NFIC: variants seen among roughly 807,000 people sequenced by gnomAD.
The protein encoded by NFIC is nuclear factor I C.
Under a neutral mutation model 54.4 loss-of-function variants are expected in NFIC, and 12 were observed. That is an observed-to-expected ratio of 0.22 (90% CI 0.14 to 0.36). The LOEUF is 0.36. NFIC is among the 10% of genes least tolerant of loss of function. NFIC has a pLI of 1.00. For synonymous variants in NFIC, 322 were observed against 319.2 expected, an observed-to-expected ratio of 1.01 and a Z score of -0.09; for missense variants, 575 against 718.2, an observed-to-expected ratio of 0.80 and a Z score of 2.28.
chr19:3,426,906 G>A (rs1024277423), intron 3 of NFIC, among the ~76,000 whole-genome samples: 6 of 150,104 alleles, frequency 4.0e-5, no homozygotes, highest in Non-Finnish European at 7.4e-5. Context: ...AGCATAAGCA[G>A]CCTCTGGCTA....
chr19:3,461,880 C>T (rs1052419531), intron 10 of NFIC, among the ~76,000 whole-genome samples: 1 of 150,764 alleles, frequency 6.6e-6, no homozygotes, highest in Non-Finnish European at 1.5e-5. Context: ...ATGGTGAAAC[C>T]CTGTCTCTAC....
chr19:3,411,434 TCTC>T (rs1218848440), intron 2 of NFIC, among the ~76,000 whole-genome samples: 2 of 148,884 alleles, frequency 1.3e-5, no homozygotes, highest in African/African-American at 2.5e-5. Flanking sequence ...TTCAAGCAAT[TCTC>T]CTTCCTCAGC....
intron 2 of NFIC, among the ~76,000 whole-genome samples, chr19:3,404,073 G>A (rs558522037): frequency 6.7e-6 from 1 of 148,758 alleles, no homozygotes; most frequent in East Asian, 2.0e-4. Context: ...ATGGGGACGC[G>A]TGCGTGTGCG....
intron 9 of NFIC, among the ~76,000 whole-genome samples, chr19:3,454,970 C>A (rs1442088821): frequency 6.6e-6 from 1 of 152,246 alleles, no homozygotes; most frequent in Non-Finnish European, 1.5e-5. Flanking sequence ...CTGCAGCTCT[C>A]TCACTGTGTG....
chr19:3,397,490 A>C (rs2081483320), intron 2 of NFIC, among the ~76,000 whole-genome samples: 1 of 152,178 alleles, frequency 6.6e-6, no homozygotes, highest in Admixed American at 6.5e-5. Flanking sequence ...CTGGGGAATC[A>C]GGGAGGTGTG....
At chr19:3,365,124 TG>T (rs1206177160), upstream of NFIC, among the ~76,000 whole-genome samples, 2 of 152,164 alleles carry the variant, frequency 1.3e-5, no homozygotes, top group Non-Finnish European at 2.9e-5. Flanking sequence ...TGTCAGACCC[TG>T]GGCAAGTGGC....
At chr19:3,395,650 C>T (rs546407904) in intron 2 of NFIC, among the ~76,000 whole-genome samples, 2 of 151,920 alleles carry the variant, frequency 1.3e-5, no homozygotes, top group Non-Finnish European at 2.9e-5. Flanking sequence ...GCGTGCACCA[C>T]TACGCCTGGC....
chr19:3,446,618 C>T (rs2082377374), intron 6 of NFIC, among the ~76,000 whole-genome samples: 1 of 152,184 alleles, frequency 6.6e-6, no homozygotes, highest in African/African-American at 2.4e-5. Flanking sequence ...ATGTAAAAAT[C>T]CTTTCTAAAA....
At position 3,452,564 on chromosome 19, in the gene NFIC, C is replaced by G. The variant is rs372361568; in HGVS notation, c.1167C>G (p.Phe389Leu). 25 of 1,613,884 alleles carry G rather than the reference C, an allele frequency of 1.5e-5. No homozygotes were observed. The highest frequency in any genetic ancestry group is 1.9e-5 in the Non-Finnish European group (23 of 1,180,008). Residue 389 changes from phenylalanine (F) to leucine (L), a missense_variant, in exon 8 of 11, where the codon TTC becomes TTG. By Grantham distance (22) the Phe-to-Leu change is conservative (BLOSUM62 0). This residue lies in a region of NFIC where 447 missense variants were observed against 526.9 expected (regional missense o/e 0.85). Transcript: ENST00000443272. This position sits in a 1 kb window ranked among gnomAD's most constrained non-coding sequence, Gnocchi z 5.3. The part of the protein sequence containing the change: ...SILPQTASTY[F>L]PHTAIRYPPH... ...TACCCCAGACGGCCTCCACCTACTT[C>G]CCCCACACGGCCATCCGCTACCCAC...
chr19:3,437,754 A>G (rs2082228107), intron 6 of NFIC, among the ~76,000 whole-genome samples: 1 of 151,384 alleles, frequency 6.6e-6, no homozygotes, highest in Non-Finnish European at 1.5e-5. Flanking sequence ...CAGTGGTGCA[A>G]TCTCGGCTCC....
chr19:3,377,145 A>G (rs1392188124), intron 1 of NFIC, among the ~76,000 whole-genome samples: 2 of 151,026 alleles, frequency 1.3e-5, no homozygotes, highest in African/African-American at 4.9e-5. Flanking sequence ...TGGCTAACAC[A>G]GTGAACCCCC....
intron 1 of NFIC, among the ~76,000 whole-genome samples, chr19:3,380,722 C>G (rs2145471415): frequency 6.7e-6 from 1 of 149,332 alleles, no homozygotes; most frequent in South Asian, 2.1e-4. Context: ...GCATTAAACT[C>G]CTGGGCTCAA....
intron 2 of NFIC, among the ~76,000 whole-genome samples, chr19:3,404,138 C>T (rs1599624535): frequency 1.3e-5 from 2 of 150,022 alleles, no homozygotes; most frequent in African/African-American, 4.8e-5. Context: ...CTGCCCTTCT[C>T]CCCCCCCCGT....
rs111971262 is a variant in NFIC, at chr19:3,430,514, G to A, written c.635-3004G>A. On this transcript the variant is annotated intron_variant, in intron 3 of 10. Coordinates refer to ENST00000443272, the MANE Select transcript of NFIC (RefSeq NM_001245002.2). ...GCTGGGATTACAGATGTGAGCCGCC[G>A]AGCCTGGCCTAATTCCAGAACATTT... is the stretch of plus-strand genomic sequence containing the variant. Among the ~76,000 whole-genome samples the A allele has an allele frequency of 1.4e-4, 21 of 152,028 alleles. 4 individuals are homozygous for A. The highest frequency in any genetic ancestry group is 4.3e-4 in the African/African-American group (18 of 41,458).
intron 2 of NFIC, among the ~76,000 whole-genome samples, chr19:3,402,701 G>A (rs1019024249): frequency 5.9e-5 from 9 of 152,208 alleles, no homozygotes; most frequent in Non-Finnish European, 1.2e-4. Context: ...GGGGCTCAGC[G>A]TAGACCTCTC....
In NFIC at chr19:3,380,289, C is replaced by A. The variant is rs562036506; in HGVS notation, c.31-1423C>A. 2.7e-4 allele frequency among the ~76,000 whole-genome samples: 40 copies of A among 149,974 alleles called. 1 individual carries two copies. The South Asian group carries it at 8.0e-3, about 30-fold the overall frequency. ...AAAGTGCTGGGATTACAAGCGTGAG[C>A]CACCGTGCCCAGCCTTGTTCTTTTT... On this transcript the variant is annotated intron_variant, in intron 1 of 10. Coordinates refer to ENST00000443272, the MANE Select transcript of NFIC (RefSeq NM_001245002.2).
At position 3,467,788 on chromosome 19, in the gene NFIC, T is replaced by TATAA. The variant is rs566623409; in HGVS notation, c.*5020_*5021insTAAA. 4 of 136,806 alleles carry TATAA rather than the reference T, an allele frequency of 2.9e-5. No individual in the cohort carries two copies. The highest frequency in any genetic ancestry group is 4.6e-5 in the Non-Finnish European group (3 of 65,332). The allele number at this position is 136,806 out of a possible 1,614,324, so 8.5% of individuals were successfully genotyped here. On this transcript the variant is annotated 3_prime_UTR_variant, in exon 11 of 11. Transcript: ENST00000443272. Reference sequence around the variant, plus strand: ...ATATATATATATATATATATATATATAATTTTGGAATTTGTTTCTCATAAT... The same window carrying TATAA: ...ATATATATATATATATATATATATATATAAAATTTTGGAATTTGTTTCTCATAAT...
upstream of NFIC, among the ~76,000 whole-genome samples, chr19:3,365,585 A>G (rs3810420): frequency 0.84 from 128,549 of 152,236 alleles, 54,630 homozygotes; most frequent in Middle Eastern, 0.92. Context: ...TGTGGGCTCC[A>G]GGTCCAGATG....
intron 2 of NFIC, among the ~76,000 whole-genome samples, chr19:3,423,635 A>G (rs1246202919): frequency 1.3e-5 from 2 of 152,128 alleles, no homozygotes; most frequent in East Asian, 1.9e-4. Context: ...TCCTGCATCC[A>G]GGCTGCCAGA....
Sources: gnomAD v4.1 joint callset for allele counts (sites outside exome capture counted in the v4.1 genomes callset) on GRCh38, gnomAD v4.1.1 for gene constraint, gnomAD v4.1.1 regional missense constraint, Gnocchi (gnomAD v3.1) non-coding constraint, MANE v1.5 for transcripts, NCBI Gene and HGNC (gene_info 2026-07-23, HGNC 2026-07-21) for gene names.